Variants in CEACAM18 observed in about 807,000 individuals in gnomAD.
CEACAM18 encodes the protein CEA cell adhesion molecule 18, also known as cell adhesion molecule CEACAM18.
A neutral mutation model predicts 34.3 loss-of-function variants in CEACAM18; 33 were observed. The observed-to-expected ratio is 0.96, with a 90% CI of 0.73 to 1.29. The LOEUF (loss-of-function observed/expected upper bound fraction) is 1.29. Ranked by LOEUF, CEACAM18 falls within the 50% of genes most tolerant of loss-of-function variation. The pLI is 0.00. For missense variants in CEACAM18, 474 were observed against 485.0 expected, an observed-to-expected ratio of 0.98 and a Z score of 0.21; for synonymous variants, 169 against 180.9, an observed-to-expected ratio of 0.93 and a Z score of 0.53.
intron 5 of CEACAM18, among the ~76,000 whole-genome samples, chr19:51,490,285 T>A (rs916259523): frequency 1.3e-5 from 2 of 152,220 alleles, no homozygotes; most frequent in African/African-American, 4.8e-5. Flanking sequence ...CCATCATTGT[T>A]GTGATCCCTC....
exon 4 of CEACAM18, chr19:51,483,229 T>G (rs199641272): frequency 5.7e-4 from 921 of 1,613,892 alleles, no homozygotes; most frequent in Non-Finnish European, 7.6e-4. Flanking sequence ...CCGTTACCGA[T>G]GCACTGTGGA....
intron 4 of CEACAM18, among the ~76,000 whole-genome samples, chr19:51,484,686 T>C (rs75100739): frequency 6.1e-5 from 6 of 99,086 alleles, no homozygotes; most frequent in East Asian, 2.6e-4. Context: ...ACACCCCCCT[T>C]CCAGTCACTG....
intron 5 of CEACAM18, among the ~76,000 whole-genome samples, chr19:51,487,380 T>TG (rs1279217970): frequency 6.6e-6 from 1 of 151,706 alleles, no homozygotes; most frequent in African/African-American, 2.4e-5. Context: ...GAGGCTGAGG[T>TG]GGGAGGATCT....
At chr19:51,489,005 T>C (rs1990046327) in intron 5 of CEACAM18, among the ~76,000 whole-genome samples, 2 of 151,890 alleles carry the variant, frequency 1.3e-5, no homozygotes, top group Middle Eastern at 3.4e-3. Context: ...AAAAGTATAA[T>C]GGGCCTTAGT....
At chr19:51,485,032 T>C (rs1989976940) in exon 5 of CEACAM18, 4 of 1,535,978 alleles carry the variant, frequency 2.6e-6, no homozygotes, top group East Asian at 2.4e-5. Context: ...TCAGGATCCA[T>C]GGTGATGTTC....
At chr19:51,483,369 C>G (rs1989951148) in intron 4 of CEACAM18, 73 bp downstream of exon 4, 1 of 1,553,312 alleles carries the variant, frequency 6.4e-7, no homozygotes, top group South Asian at 1.1e-5. Flanking sequence ...CAGTGCCCAC[C>G]CTCAGGAGTG....
chr19:51,485,793 T>C (rs1019444642), intron 5 of CEACAM18, among the ~76,000 whole-genome samples: 3 of 152,058 alleles, frequency 2.0e-5, no homozygotes, highest in African/African-American at 7.2e-5. Flanking sequence ...GAAGAGGAGG[T>C]AGTAAGGCTG....
chr19:51,487,987 G>T (rs12327808), intron 5 of CEACAM18, among the ~76,000 whole-genome samples: 11,472 of 152,114 alleles, frequency 0.075, 513 homozygotes, highest in African/African-American at 0.12. Flanking sequence ...AAGTTCTACC[G>T]GACAGCACTG....
At chr19:51,486,905 G>A (rs976724070) in intron 5 of CEACAM18, among the ~76,000 whole-genome samples, 1 of 148,910 alleles carries the variant, frequency 6.7e-6, no homozygotes, top group African/African-American at 2.5e-5. Flanking sequence ...TTTTTTTTTA[G>A]TAGAGACGGG....
chr19:51,483,701 G>A (rs1167265512), intron 4 of CEACAM18, among the ~76,000 whole-genome samples: 1 of 152,224 alleles, frequency 6.6e-6, no homozygotes, highest in Non-Finnish European at 1.5e-5. Flanking sequence ...ACCCATGGAA[G>A]AGGTGGCATT....
At chr19:51,483,232 A>G (rs753840037) in exon 4 of CEACAM18, 11 of 1,613,894 alleles carry the variant, frequency 6.8e-6, no homozygotes, top group Non-Finnish European at 9.3e-6. Flanking sequence ...TTACCGATGC[A>G]CTGTGGAGAA....
At chr19:51,488,005 C>T (rs1198249210) in intron 5 of CEACAM18, among the ~76,000 whole-genome samples, 6 of 152,124 alleles carry the variant, frequency 3.9e-5, no homozygotes, top group African/African-American at 1.2e-4. Context: ...CTGCTGTAAA[C>T]CAATTATGTA....
intron 4 of CEACAM18, among the ~76,000 whole-genome samples, chr19:51,484,427 C>T (rs886302294): frequency 4.6e-5 from 7 of 152,096 alleles, no homozygotes; most frequent in African/African-American, 1.4e-4. Context: ...ATTCTCCTGC[C>T]TCAGCCTCTT....
At chr19:51,483,025 G>T (rs772876360) in exon 4 of CEACAM18, 18 of 1,613,858 alleles carry the variant, frequency 1.1e-5, no homozygotes, top group Non-Finnish European at 1.5e-5. Context: ...AGATGGGCCC[G>T]ACTATGTGCT....
At chr19:51,480,268 G>A in intron 1 of CEACAM18, 65 bp from the exon 2 acceptor site, 3 of 1,310,646 alleles carry the variant, frequency 2.3e-6, no homozygotes, top group South Asian at 2.9e-5. Flanking sequence ...TTTTTTCCTT[G>A]TCTTCTCAGC....
exon 1 of CEACAM18, chr19:51,478,694 G>C (rs759033064): frequency 1.4e-6 from 2 of 1,450,328 alleles, no homozygotes; most frequent in African/African-American, 1.5e-5. Flanking sequence ...CTTCCTCATG[G>C]GTAAGAGATG....
exon 2 of CEACAM18, chr19:51,480,504 G>A (rs1989892634): frequency 5.6e-6 from 9 of 1,613,942 alleles, no homozygotes; most frequent in Non-Finnish European, 6.8e-6. Flanking sequence ...ATGATTATCA[G>A]CCACAAACCG....
At chr19:51,480,366 C>G in exon 2 of CEACAM18, 1 of 1,611,924 alleles carries the variant, frequency 6.2e-7, no homozygotes, top group East Asian at 2.2e-5. Context: ...TGCCAGGCCT[C>G]TGGCCAAATC....
chr19:51,491,126 C>T (rs750702431), downstream of CEACAM18, among the ~76,000 whole-genome samples: 1 of 152,138 alleles, frequency 6.6e-6, no homozygotes, highest in African/African-American at 2.4e-5. Context: ...GCGACCTGAA[C>T]GCAGCCCCAG....
Sources: gnomAD v4.1 joint callset for allele counts (sites outside exome capture counted in the v4.1 genomes callset) on GRCh38, gnomAD v4.1.1 for gene constraint, MANE v1.5 for transcripts, NCBI Gene and HGNC (gene_info 2026-07-23, HGNC 2026-07-21) for gene names.